Variants in ELP5 observed in about 807,000 individuals in gnomAD.
ELP5 encodes the protein elongator acetyltransferase complex subunit 5.
ELP5 carries 34 observed loss-of-function variants against 33.4 expected under a neutral mutation model. The ratio of observed to expected loss-of-function variants is 1.02; its 90% CI spans 0.78 to 1.36. The LOEUF (loss-of-function observed/expected upper bound fraction) is 1.36. ELP5 is among the 40% of genes most tolerant of loss of function. ELP5 has a pLI of 0.00. For missense variants in ELP5, 373 were observed against 371.7 expected, an observed-to-expected ratio of 1.00 and a Z score of -0.03; for synonymous variants, 161 against 146.4, an observed-to-expected ratio of 1.10 and a Z score of -0.72.
At chr17:7,255,505 C>T (rs1437609122) in intron 4 of ELP5, among the ~76,000 whole-genome samples, 1 of 149,144 alleles carries the variant, frequency 6.7e-6, no homozygotes. Context: ...CCAGCCTGGG[C>T]GACAGAGCAA....
chr17:7,259,108 C>T (rs2072151130), intron 7 of ELP5, 182 bp downstream of exon 7: 1 of 1,447,064 alleles, frequency 6.9e-7, no homozygotes, highest in Non-Finnish European at 9.0e-7. Context: ...CTTTATGTCT[C>T]TTTTCTCTCC....
At chr17:7,255,311 G>A (rs2072052391) in intron 4 of ELP5, among the ~76,000 whole-genome samples, 1 of 151,874 alleles carries the variant, frequency 6.6e-6, no homozygotes, top group Non-Finnish European at 1.5e-5. Flanking sequence ...AGATCACAAG[G>A]TCAGGAGATC....
rs894812447 is a variant in ELP5, at chr17:7,259,801, C to G, written c.*116C>G. The stretch of plus-strand genomic sequence containing the variant: ...CTGTCCCTGCCCCACCTTGGTTCCC[C>G]TTGTCTATGGAGCCCCGCCTTGTGA... On this transcript the variant is annotated 3_prime_UTR_variant, in exon 8 of 8. Transcript: ENST00000396628. 43 of 1,494,450 alleles carry G rather than the reference C, an allele frequency of 2.9e-5. No homozygotes were observed. The highest frequency in any genetic ancestry group is 1.5e-4 in the Admixed American group (7 of 47,872). The allele number at this position is 1,494,450 out of a possible 1,614,324, so 92.6% of individuals were successfully genotyped here.
chr17:7,257,875 C>G (rs2072112387), intron 5 of ELP5, among the ~76,000 whole-genome samples: 1 of 152,120 alleles, frequency 6.6e-6, no homozygotes, highest in African/African-American at 2.4e-5. Context: ...CGAGACCGGC[C>G]TGGCTAACAT....
At chr17:7,251,820 AAGGAGG>A (rs1350010333), upstream of ELP5, 1 of 32,320 alleles carries the variant, frequency 3.1e-5, no homozygotes, top group Admixed American at 3.3e-4. Context: ...AGGAGCAGGG[AAGGAGG>A]GGGAGGGGGA....
intron 4 of ELP5, among the ~76,000 whole-genome samples, chr17:7,256,072 T>G (rs2072068636): frequency 6.6e-6 from 1 of 151,342 alleles, no homozygotes; most frequent in Non-Finnish European, 1.5e-5. Context: ...ATAAAAACAG[T>G]CCGGGCGCAG....
intron 4 of ELP5, among the ~76,000 whole-genome samples, chr17:7,256,625 G>A (rs2072080513): frequency 6.6e-6 from 1 of 152,268 alleles, no homozygotes. Context: ...GGCAGGAGCT[G>A]CTGAAGAATA....
intron 5 of ELP5, among the ~76,000 whole-genome samples, 165 bp downstream of exon 5, chr17:7,257,203 T>C (rs2072097687): frequency 6.6e-6 from 1 of 152,072 alleles, no homozygotes; most frequent in Non-Finnish European, 1.5e-5. Flanking sequence ...ACTTCTGGGC[T>C]CAAGTGATCC....
chr17:7,253,069 G>C (rs1396087643), intron 3 of ELP5, 71 bp downstream of exon 3: 3 of 1,452,094 alleles, frequency 2.1e-6, no homozygotes, highest in Non-Finnish European at 2.9e-6. Context: ...TTTACAACAA[G>C]CGCAGAACCT....
rs1384252055 is a variant in ELP5 at position 7,258,876 on chromosome 17, G to C, written c.738G>C (p.Glu246Asp). Residue 246 changes from glutamate to aspartate, a missense_variant, in exon 7 of 8, where the codon GAG becomes GAC. Physicochemically the swap from Glu to Asp is conservative, Grantham distance 45. Coordinates refer to ENST00000396628, the MANE Select transcript of ELP5 (RefSeq NM_203414.3). ...TTAACCTTCACCTGTCCAAGAAAGA[G>C]AGAGAAGCCAGAGATAGCCTGATCC... Reference protein sequence around the residue: ...LTFNLHLSKKEREARDSLILP... With the variant: ...LTFNLHLSKKDREARDSLILP... The C allele has an allele frequency of 6.2e-7, 1 of 1,614,110 alleles. No homozygotes were observed. Among genetic ancestry groups the C allele is most frequent in the Non-Finnish European group, 8.5e-7 (1 of 1,179,994 alleles).
chr17:7,253,045 G>A (rs1422074632), intron 3 of ELP5, 47 bp downstream of exon 3: 21 of 1,583,580 alleles, frequency 1.3e-5, no homozygotes, highest in African/African-American at 2.7e-5. Flanking sequence ...GACCTATAAT[G>A]CTAAGGAAAT....
Position 7,255,255 on chromosome 17 carries a change from G to T in ELP5, c.409+452G>T, listed in dbSNP as rs1354428100. Reference sequence around the variant, plus strand: ...AGAAGGGCACTCTTGGCCGGGCGCGGTGGCTCACTCCTGTAATCCTAGCAC... The same window carrying T: ...AGAAGGGCACTCTTGGCCGGGCGCGTTGGCTCACTCCTGTAATCCTAGCAC... On this transcript the variant is annotated intron_variant, in intron 4 of 7. Coordinates refer to ENST00000396628, the MANE Select transcript of ELP5 (RefSeq NM_203414.3). Among the ~76,000 whole-genome samples, 3 of 152,210 alleles carry T rather than the reference G, an allele frequency of 2.0e-5. No homozygotes were observed. The South Asian group carries it at 6.2e-4, about 32-fold the overall frequency.
chr17:7,254,018 A>G lies in ELP5; in HGVS notation c.189-565A>G, dbSNP rs561465178. ...CTCAAAAAAAAAAAAAAAAGCGGGC[A>G]CTCCACAAGAGAAGATAGAAAAGAG... On this transcript the variant is annotated intron_variant, in intron 3 of 7. Transcript: ENST00000396628. Among the ~76,000 whole-genome samples, 53 of 77,470 alleles carry G rather than the reference A, an allele frequency of 6.8e-4. No homozygotes were observed. The East Asian group carries it at 0.016, about 23-fold the overall frequency. The allele number at this position is 77,470 out of a possible 152,430, so 50.8% of individuals were successfully genotyped here. A position where few individuals can be genotyped will look rare whatever the true frequency, so the allele number is the denominator to read the frequency against.
chr17:7,255,017 G>A (rs1317097098), intron 4 of ELP5: 1 of 538,278 alleles, frequency 1.9e-6, no homozygotes, highest in Non-Finnish European at 3.2e-6. Flanking sequence ...TTACTCATTT[G>A]TTTCACTCAT....
At chr17:7,259,488 A>G in intron 7 of ELP5, 83 bp from the exon 8 acceptor site, 2 of 1,586,004 alleles carry the variant, frequency 1.3e-6, no homozygotes, top group East Asian at 2.2e-5. Context: ...GGTTGCCTGA[A>G]TGAGAGTCAC....
chr17:7,254,476 G>T, intron 3 of ELP5, 107 bp from the exon 4 acceptor site: 1 of 749,036 alleles, frequency 1.3e-6, no homozygotes, highest in Non-Finnish European at 2.1e-6. Flanking sequence ...TAATATTTAG[G>T]ATATTCATAA....
intron 4 of ELP5, among the ~76,000 whole-genome samples, chr17:7,255,375 A>T (rs1255078337): frequency 6.6e-6 from 1 of 151,958 alleles, no homozygotes; most frequent in Non-Finnish European, 1.5e-5. Flanking sequence ...AATACAAAAA[A>T]AAATTAGCCG....
chr17:7,252,544 G>C lies in ELP5; in HGVS notation c.-7G>C. ...GCGCCAGAGCAGGGACCGGACGCGA[G>C]TTGGAGATGTTGGACTCGCTGTTGG... On this transcript the variant is annotated 5_prime_UTR_variant, in exon 1 of 8. Coordinates refer to ENST00000396628, the MANE Select transcript of ELP5 (RefSeq NM_203414.3). The C allele has an allele frequency of 6.2e-7, 1 of 1,613,734 alleles. No homozygotes were observed. Among genetic ancestry groups the C allele is most frequent in the Non-Finnish European group, 8.5e-7 (1 of 1,179,938 alleles).
In ELP5 at chr17:7,258,659, C is replaced by T; in HGVS notation, c.663C>T (p.Pro221=). ...LQEGPSVESQ[P]YSDPHIPPVD... ...AGGGGCCCTCTGTAGAGTCCCAGCCCTACTCCGATCCTCATATACCCCCGG... is the reference window on the plus strand; with the variant it reads ...AGGGGCCCTCTGTAGAGTCCCAGCCTTACTCCGATCCTCATATACCCCCGG... The change falls in exon 6 of 8, where the codon CCC becomes CCT. Residue 221 remains proline (P), a synonymous_variant. Coordinates refer to ENST00000396628, the MANE Select transcript of ELP5 (RefSeq NM_203414.3). 2 of 1,614,130 alleles carry T rather than the reference C, an allele frequency of 1.2e-6. No individual in the cohort carries two copies. The highest frequency in any genetic ancestry group is 1.7e-6 in the Non-Finnish European group (2 of 1,180,042).
Sources: gnomAD v4.1 joint callset for allele counts (sites outside exome capture counted in the v4.1 genomes callset) on GRCh38, gnomAD v4.1.1 for gene constraint, MANE v1.5 for transcripts, NCBI Gene and HGNC (gene_info 2026-07-23, HGNC 2026-07-21) for gene names.